INPP4B: variants seen among roughly 807,000 people sequenced by gnomAD.
The protein encoded by INPP4B is inositol polyphosphate-4-phosphatase type II B.
Under a neutral mutation model 122.5 loss-of-function variants are expected in INPP4B, and 55 were observed. The observed-to-expected ratio is 0.45, with a 90% CI of 0.36 to 0.56. INPP4B has a LOEUF of 0.56. Among genes scored for constraint, INPP4B ranks in the 20% least tolerant of loss-of-function variants. The probability of loss-of-function intolerance (pLI) is 0.00; values close to 1 mark genes in which losing one functional copy is unlikely to be tolerated. For synonymous variants in INPP4B, 403 were observed against 388.7 expected (o/e 1.04, Z -0.43); for missense variants, 1,000 against 1,097.7 (o/e 0.91, Z 1.26).
chr4:142,668,000 A>C (rs1560941343), intron 2 of INPP4B, among the ~76,000 whole-genome samples: 1 of 152,242 alleles, frequency 6.6e-6, no homozygotes, highest in African/African-American at 2.4e-5. Flanking sequence ...AAATTCTTCA[A>C]AAATTGAAGA....
chr4:142,102,958 A>G (rs902192748), intron 23 of INPP4B, among the ~76,000 whole-genome samples: 3 of 152,154 alleles, frequency 2.0e-5, no homozygotes, highest in Non-Finnish European at 4.4e-5. Flanking sequence ...TATTGCGTTC[A>G]GCTTATGTTT....
At chr4:142,813,581 A>G (rs1318691093) in intron 1 of INPP4B, among the ~76,000 whole-genome samples, 1 of 152,208 alleles carries the variant, frequency 6.6e-6, no homozygotes, top group African/African-American at 2.4e-5. Flanking sequence ...TGTCACTGGC[A>G]ATAAAGCAAT....
chr4:142,633,545 C>G (rs1410943933), intron 2 of INPP4B, among the ~76,000 whole-genome samples: 1 of 152,050 alleles, frequency 6.6e-6, no homozygotes, highest in Non-Finnish European at 1.5e-5. Flanking sequence ...GTACACAGTG[C>G]AGTTAAGCAG....
At chr4:142,738,568 C>A (rs150045467) in intron 1 of INPP4B, among the ~76,000 whole-genome samples, 9,196 of 151,846 alleles carry the variant, frequency 0.061, 945 homozygotes, top group African/African-American at 0.21. Flanking sequence ...ATGTAACAAA[C>A]CTGCAAGTTG....
intron 2 of INPP4B, among the ~76,000 whole-genome samples, chr4:142,576,192 A>G (rs1026603745): frequency 9.3e-5 from 14 of 151,222 alleles, no homozygotes; most frequent in Admixed American, 9.2e-4. Context: ...TGGCAGTGAA[A>G]AAAGCAGGGA....
intron 1 of INPP4B, among the ~76,000 whole-genome samples, chr4:142,825,091 T>C (rs1273909084): frequency 5.3e-5 from 8 of 152,146 alleles, no homozygotes; most frequent in African/African-American, 1.9e-4. Context: ...ACTTTTTTAG[T>C]AACCATGCTC....
chr4:142,570,387 AT>A (rs934756242), intron 2 of INPP4B, among the ~76,000 whole-genome samples: 32 of 151,420 alleles, frequency 2.1e-4, no homozygotes, highest in South Asian at 1.3e-3. Context: ...ATTTTACTGT[AT>A]TTTTTTTTCC....
At chr4:142,663,544 C>A (rs1755554506) in intron 2 of INPP4B, among the ~76,000 whole-genome samples, 5 of 151,960 alleles carry the variant, frequency 3.3e-5, no homozygotes, top group Admixed American at 3.3e-4. Flanking sequence ...AGAAATGCAT[C>A]TCTGTTTAGA....
At chr4:142,797,823 T>G (rs970997203) in intron 1 of INPP4B, among the ~76,000 whole-genome samples, 2 of 151,964 alleles carry the variant, frequency 1.3e-5, no homozygotes, top group Non-Finnish European at 2.9e-5. Context: ...AAATATGTTT[T>G]CAGATATTCA....
At chr4:142,320,896 T>C (rs974109727) in intron 7 of INPP4B, among the ~76,000 whole-genome samples, 4 of 152,246 alleles carry the variant, frequency 2.6e-5, no homozygotes, top group Non-Finnish European at 5.9e-5. Flanking sequence ...GCTGGTTCTA[T>C]ATTTTTGCAA....
chr4:142,546,692 G>A (rs1829683944), intron 2 of INPP4B, among the ~76,000 whole-genome samples: 1 of 152,108 alleles, frequency 6.6e-6, no homozygotes, highest in Non-Finnish European at 1.5e-5. Context: ...GAATACCAAA[G>A]CAATATTTCA....
intron 21 of INPP4B, among the ~76,000 whole-genome samples, chr4:142,116,128 T>C (rs958336670): frequency 6.6e-6 from 1 of 152,172 alleles, no homozygotes; most frequent in African/African-American, 2.4e-5. Context: ...TAAATATATA[T>C]GCACCCAATA....
chr4:142,671,811 T>C lies in INPP4B; in HGVS notation c.-191+54028A>G, dbSNP rs1265674704. Among the ~76,000 whole-genome samples, 3 of 152,152 alleles carry C rather than the reference T, an allele frequency of 2.0e-5. No homozygotes were observed. The East Asian group carries it at 5.8e-4, about 29-fold the overall frequency. On this transcript the variant is annotated intron_variant, in intron 2 of 25. Transcript: ENST00000262992. ...TACTGTAAAATTTACCCTTTTACTGTATAATTTGACTAGCTTTATCAAGTA... is the reference window on the plus strand; with the variant it reads ...TACTGTAAAATTTACCCTTTTACTGCATAATTTGACTAGCTTTATCAAGTA...
intron 3 of INPP4B, among the ~76,000 whole-genome samples, chr4:142,453,756 T>G (rs1416389511): frequency 1.3e-5 from 2 of 152,190 alleles, no homozygotes; most frequent in Non-Finnish European, 2.9e-5. Flanking sequence ...CCTTAAAATA[T>G]TTATTCAATA....
chr4:142,237,820 G>T (rs1857327297), intron 12 of INPP4B, 44 bp downstream of exon 12: 7 of 1,202,162 alleles, frequency 5.8e-6, no homozygotes, highest in Non-Finnish European at 8.1e-6. Flanking sequence ...TTTTTAAATG[G>T]TATAAAATAA....
chr4:142,467,324 A>C (rs1817972033), intron 2 of INPP4B, among the ~76,000 whole-genome samples: 1 of 152,320 alleles, frequency 6.6e-6, no homozygotes, highest in African/African-American at 2.4e-5. Flanking sequence ...TCCTCAGGCC[A>C]TGAGAGTCCA....
chr4:142,181,885 A>G (rs1301429692), intron 15 of INPP4B, among the ~76,000 whole-genome samples: 1 of 152,206 alleles, frequency 6.6e-6, no homozygotes, highest in Non-Finnish European at 1.5e-5. Context: ...CTGAGTGCAA[A>G]TCACCACATC....
chr4:142,368,508 A>T (rs1007372551), intron 7 of INPP4B, among the ~76,000 whole-genome samples: 3 of 152,116 alleles, frequency 2.0e-5, no homozygotes, highest in Admixed American at 1.3e-4. Flanking sequence ...AAAGTTGTGC[A>T]TATCTCTTTC....
intron 25 of INPP4B, among the ~76,000 whole-genome samples, chr4:142,070,521 C>T (rs899412473): frequency 2.0e-5 from 3 of 152,072 alleles, no homozygotes; most frequent in Non-Finnish European, 2.9e-5. Flanking sequence ...AAATGGTATT[C>T]AATGAGGAAA....
Sources: gnomAD v4.1 joint callset for allele counts (sites outside exome capture counted in the v4.1 genomes callset) on GRCh38, gnomAD v4.1.1 for gene constraint, MANE v1.5 for transcripts, NCBI Gene and HGNC (gene_info 2026-07-23, HGNC 2026-07-21) for gene names.